HIPK2: variants seen among roughly 807,000 people sequenced by gnomAD.
The protein encoded by HIPK2 is homeodomain interacting protein kinase 2.
Under a neutral mutation model 113.7 loss-of-function variants are expected in HIPK2, and 27 were observed. The observed-to-expected ratio is 0.24, with a 90% CI of 0.17 to 0.33. The LOEUF (loss-of-function observed/expected upper bound fraction) is 0.33. Among genes scored for constraint, HIPK2 ranks in the 10% least tolerant of loss-of-function variants. The pLI is 1.00. For missense variants in HIPK2, 1,257 were observed against 1,588.0 expected (o/e 0.79, Z 3.54); for synonymous variants, 631 against 642.2 (o/e 0.98, Z 0.26).
chr7:139,718,835 T>G (rs1412796712), intron 1 of HIPK2, among the ~76,000 whole-genome samples: 1 of 152,164 alleles, frequency 6.6e-6, no homozygotes, highest in Non-Finnish European at 1.5e-5. Flanking sequence ...CTCTTAATTC[T>G]TTCCCTCCTC....
intron 2 of HIPK2, among the ~76,000 whole-genome samples, chr7:139,633,582 T>C (rs1339563097): frequency 6.7e-6 from 1 of 150,138 alleles, no homozygotes; most frequent in African/African-American, 2.5e-5. Flanking sequence ...GAGGGTGAGA[T>C]GGGAGGATCA....
At chr7:139,765,424 T>C (rs1195804947) in intron 1 of HIPK2, among the ~76,000 whole-genome samples, 3 of 152,204 alleles carry the variant, frequency 2.0e-5, no homozygotes, top group Non-Finnish European at 4.4e-5. Context: ...GTTTAATAAA[T>C]ATCCACTTCC....
intron 12 of HIPK2, 31 bp downstream of exon 12, chr7:139,596,686 T>C: frequency 6.2e-7 from 1 of 1,601,748 alleles, no homozygotes; most frequent in Non-Finnish European, 8.5e-7. Flanking sequence ...TCCCGGCTCC[T>C]TCCTGGAAGG....
At chr7:139,584,685 T>G (rs1262558558) in intron 12 of HIPK2, among the ~76,000 whole-genome samples, 1 of 152,204 alleles carries the variant, frequency 6.6e-6, no homozygotes, top group Non-Finnish European at 1.5e-5. Flanking sequence ...CTCCTTACTT[T>G]GAGTGTGCTC....
At chr7:139,579,765 G>C (rs1011501357) in intron 13 of HIPK2, among the ~76,000 whole-genome samples, 1 of 152,174 alleles carries the variant, frequency 6.6e-6, no homozygotes, top group Non-Finnish European at 1.5e-5. Flanking sequence ...AGTGGGGATG[G>C]GGGCAGTGGG....
chr7:139,640,961 T>TA, intron 2 of HIPK2, among the ~76,000 whole-genome samples: 1 of 152,324 alleles, frequency 6.6e-6, no homozygotes, highest in Non-Finnish European at 1.5e-5. Flanking sequence ...GAACACTCTG[T>TA]TGAAATACAT....
intron 2 of HIPK2, among the ~76,000 whole-genome samples, chr7:139,647,749 A>G (rs1402227073): frequency 2.0e-5 from 3 of 152,268 alleles, no homozygotes; most frequent in Admixed American, 6.5e-5. Flanking sequence ...TTCAATTAAA[A>G]AAAACCCATA....
At chr7:139,580,676 G>A (rs1232148449) in intron 13 of HIPK2, among the ~76,000 whole-genome samples, 1 of 152,226 alleles carries the variant, frequency 6.6e-6, no homozygotes, top group Non-Finnish European at 1.5e-5. Flanking sequence ...CCTCTGGGAG[G>A]CCCAGCCACA....
At chr7:139,777,429 C>A (rs563351215) in intron 1 of HIPK2, 176 bp downstream of exon 1, 2 of 158,740 alleles carry the variant, frequency 1.3e-5, no homozygotes, top group African/African-American at 4.8e-5. Flanking sequence ...AAGACCCTGC[C>A]GGCGCCGGGT....
At chr7:139,740,075 C>CT (rs140740322) in intron 1 of HIPK2, among the ~76,000 whole-genome samples, 1 of 152,212 alleles carries the variant, frequency 6.6e-6, no homozygotes, top group African/African-American at 2.4e-5. Context: ...GGTGGCGACT[C>CT]TATGTTTAAC....
At chr7:139,711,855 T>C (rs568089917) in intron 2 of HIPK2, among the ~76,000 whole-genome samples, 22 of 152,342 alleles carry the variant, frequency 1.4e-4, no homozygotes, top group Non-Finnish European at 2.8e-4. Flanking sequence ...AAGGATTACC[T>C]GCAACTCTGT....
At chr7:139,598,537 C>T (rs1009875466) in intron 11 of HIPK2, among the ~76,000 whole-genome samples, 10 of 152,222 alleles carry the variant, frequency 6.6e-5, no homozygotes, top group African/African-American at 2.2e-4. Context: ...TGCCTGGCCA[C>T]ATCACCAACA....
At chr7:139,691,828 T>C (rs1376147102) in intron 2 of HIPK2, among the ~76,000 whole-genome samples, 1 of 152,228 alleles carries the variant, frequency 6.6e-6, no homozygotes, top group Non-Finnish European at 1.5e-5. Flanking sequence ...GTATACATCA[T>C]GGTGCTCTGT....
Position 139,572,007 on chromosome 7 carries a change from G to A in HIPK2, c.*920C>T, listed in dbSNP as rs1210602157. ...TTGGTATCATTGGAGTTGAACACAA[G>A]GTAGGAGACAAGGGTGCTGAGTGCT... On this transcript the variant is annotated 3_prime_UTR_variant, in exon 15 of 15. Transcript: ENST00000406875. 6 of 152,252 alleles carry A rather than the reference G, an allele frequency of 3.9e-5. No individual in the cohort carries two copies. The highest frequency in any genetic ancestry group is 1.4e-4 in the African/African-American group (6 of 41,454). 9.4% of individuals were successfully genotyped at this position (152,252 alleles called of 1,614,324 possible).
At chr7:139,629,067 T>C (rs1800526070) in intron 4 of HIPK2, 28 bp from the exon 5 acceptor site, 3 of 1,531,138 alleles carry the variant, frequency 2.0e-6, no homozygotes, top group Non-Finnish European at 2.7e-6. Context: ...AGCCAATTGG[T>C]AGCGTGACTT....
At chr7:139,657,280 C>T (rs144341677) in intron 2 of HIPK2, among the ~76,000 whole-genome samples, 83 of 152,310 alleles carry the variant, frequency 5.4e-4, no homozygotes, top group African/African-American at 1.6e-3. Flanking sequence ...GCTGACCCTC[C>T]GTGGGAGGTA....
At position 139,716,762 on chromosome 7, in the gene HIPK2, C is replaced by A. The variant is rs1471404922; in HGVS notation, c.273G>T (p.Gly91=). ...EQTIVFPGST[G]HIVVTSASST... ...TGCTTGCTGAGGTGACCACGATGTGCCCGGTGCTTCCTGGGAAGACGATGG... is the reference window on the plus strand; with the variant it reads ...TGCTTGCTGAGGTGACCACGATGTGACCGGTGCTTCCTGGGAAGACGATGG... Residue 91 remains glycine, a synonymous_variant, in exon 2 of 15, where the codon GGG becomes GGT. Coordinates refer to ENST00000406875, the MANE Select transcript of HIPK2 (RefSeq NM_022740.5). This position sits in a 1 kb window ranked among gnomAD's most constrained non-coding sequence, Gnocchi z 9.3. The A allele has an allele frequency of 6.2e-7, 1 of 1,613,902 alleles. No individual in the cohort carries two copies. Among genetic ancestry groups the A allele is most frequent in the South Asian group, 1.1e-5 (1 of 91,072 alleles).
chr7:139,612,274 T>C (rs993023623), intron 9 of HIPK2, among the ~76,000 whole-genome samples: 13 of 152,208 alleles, frequency 8.5e-5, no homozygotes, highest in African/African-American at 3.1e-4. Flanking sequence ...GGACAAATAG[T>C]GTCTTTGGGA....
chr7:139,777,252 G>A, intron 1 of HIPK2: 1 of 152,828 alleles, frequency 6.5e-6, no homozygotes, highest in East Asian at 1.9e-4. Flanking sequence ...GTAATGTGGG[G>A]GGGCGGTGGA....
Sources: gnomAD v4.1 joint callset for allele counts (sites outside exome capture counted in the v4.1 genomes callset) on GRCh38, gnomAD v4.1.1 for gene constraint, Gnocchi (gnomAD v3.1) non-coding constraint, MANE v1.5 for transcripts, NCBI Gene and HGNC (gene_info 2026-07-23, HGNC 2026-07-21) for gene names.